Variants in SULF2 observed in about 807,000 individuals in gnomAD.
SULF2 encodes the protein sulfatase 2, also known as extracellular sulfatase Sulf-2.
Under a neutral mutation model 107.7 loss-of-function variants are expected in SULF2, and 52 were observed. The observed-to-expected ratio is 0.48, with a 90% confidence interval of 0.39 to 0.61. The LOEUF (loss-of-function observed/expected upper bound fraction) is 0.61, where lower values mean the gene tolerates loss of function less well. Among genes scored for constraint, SULF2 ranks in the 20% least tolerant of loss-of-function variants. SULF2 has a pLI of 0.00. For missense variants in SULF2, 993 were observed against 1,177.3 expected, an observed-to-expected ratio of 0.84 and a Z score of 2.29; for synonymous variants, 460 against 464.3, an observed-to-expected ratio of 0.99 and a Z score of 0.12.
chr20:47,784,971 C>G (rs1347838738), intron 1 of SULF2, among the ~76,000 whole-genome samples: 1 of 152,168 alleles, frequency 6.6e-6, no homozygotes, highest in African/African-American at 2.4e-5. Context: ...GGGTCTAAAC[C>G]CTAAGGGTCA....
chr20:47,767,655 G>C (rs1386714039), intron 1 of SULF2, among the ~76,000 whole-genome samples: 2 of 152,166 alleles, frequency 1.3e-5, no homozygotes, highest in South Asian at 4.1e-4. Flanking sequence ...CATGCCTGTA[G>C]TCCTAGCTAC....
intron 10 of SULF2, among the ~76,000 whole-genome samples, chr20:47,675,136 T>C (rs1783494617): frequency 6.6e-6 from 1 of 152,056 alleles, no homozygotes; most frequent in Admixed American, 6.5e-5. Flanking sequence ...AAAGAACCAG[T>C]GGGGGACTTG....
intron 3 of SULF2, among the ~76,000 whole-genome samples, chr20:47,719,280 T>A (rs1044670701): frequency 6.6e-6 from 1 of 152,246 alleles, no homozygotes; most frequent in Non-Finnish European, 1.5e-5. Context: ...TGTTTTCATA[T>A]AACTGGCTTC....
chr20:47,727,962 C>T (rs2089489291), intron 3 of SULF2, among the ~76,000 whole-genome samples: 2 of 152,286 alleles, frequency 1.3e-5, no homozygotes, highest in South Asian at 2.1e-4. Context: ...GCGGCAAATC[C>T]GTGCCTCTCG....
rs1379475043 is a variant in SULF2 at position 47,778,832 on chromosome 20, G to C, written c.-101+6511C>G. Among the ~76,000 whole-genome samples, 4 of 152,168 alleles carry C rather than the reference G, an allele frequency of 2.6e-5. No individual in the cohort carries two copies. The East Asian group carries it at 7.7e-4, about 29-fold the overall frequency. ...CAAATAGATTCATGACAGGCACTAGGGGGAGGCTGGGGGGAGAAAACCACA... is the reference window on the plus strand; with the variant it reads ...CAAATAGATTCATGACAGGCACTAGCGGGAGGCTGGGGGGAGAAAACCACA... On this transcript the variant is annotated intron_variant, in intron 1 of 20. Transcript: ENST00000688720.
At chr20:47,714,160 G>A (rs1391544498) in intron 3 of SULF2, among the ~76,000 whole-genome samples, 4 of 152,226 alleles carry the variant, frequency 2.6e-5, no homozygotes, top group East Asian at 3.8e-4. Context: ...CGGAGTCTGC[G>A]AAAACAAAAC....
At chr20:47,717,495 G>A (rs1222185345) in intron 3 of SULF2, among the ~76,000 whole-genome samples, 1 of 152,218 alleles carries the variant, frequency 6.6e-6, no homozygotes, top group Admixed American at 6.5e-5. Context: ...AGAGGGAACA[G>A]CAGAGGGACT....
rs1019599588 is a variant in SULF2 at position 47,780,085 on chromosome 20, C to T, written c.-101+5258G>A. Among the ~76,000 whole-genome samples the T allele has an allele frequency of 2.1e-4, 31 of 149,082 alleles. 1 individual carries two copies. Among genetic ancestry groups the T allele is most frequent in the East Asian group, 6.0e-4 (3 of 4,988 alleles). On this transcript the variant is annotated intron_variant, in intron 1 of 20. Coordinates refer to ENST00000688720, the MANE Select transcript of SULF2 (RefSeq NM_001387048.1). The stretch of plus-strand genomic sequence containing the variant: ...AGGCTGGAATGCAGAAGTGTGATCC[C>T]GGCTCACAGCAACCCCTGCCTCCCG...
intron 18 of SULF2, 129 bp from the exon 19 acceptor site, chr20:47,659,859 A>AGTAGACTGAATTATGAGGG: frequency 4.3e-6 from 3 of 704,442 alleles, no homozygotes; most frequent in Non-Finnish European, 7.4e-6. Flanking sequence ...CCCTACTCAG[A>AGTAGACTGAATTATGAGGG]GTAGACTGAA....
intron 9 of SULF2, 120 bp from the exon 10 acceptor site, chr20:47,676,743 G>A: frequency 7.9e-7 from 1 of 1,258,122 alleles, no homozygotes; most frequent in Non-Finnish European, 1.1e-6. Context: ...ACAGTGGAGG[G>A]CGCAGGGCCA....
chr20:47,757,415 T>C lies in SULF2; in HGVS notation c.-52A>G, dbSNP rs1417106785. 1 of 1,514,004 alleles carries C rather than the reference T, an allele frequency of 6.6e-7. No homozygotes were observed. Among genetic ancestry groups the C allele is most frequent in the South Asian group, 1.2e-5 (1 of 80,602 alleles). 93.8% of individuals were successfully genotyped at this position (1,514,004 alleles called of 1,614,324 possible). A position where few individuals can be genotyped will look rare whatever the true frequency, so the allele number is the denominator to read the frequency against. On this transcript the variant is annotated 5_prime_UTR_variant, in exon 2 of 21. Transcript: ENST00000688720. ...CTTTTGGGATGCGGGAGTCTCAAGT[T>C]GCGTCTGTGGCTTTGTTTCTTTTCC...
chr20:47,773,019 G>A lies in SULF2; in HGVS notation c.-101+12324C>T, dbSNP rs191816121. On this transcript the variant is annotated intron_variant, in intron 1 of 20. Transcript: ENST00000688720. Reference sequence around the variant, plus strand: ...TTAGGATAGAGATGGGGTGGCGCCTGGACTACACCGGAAACACCATTTCCA... The same window carrying A: ...TTAGGATAGAGATGGGGTGGCGCCTAGACTACACCGGAAACACCATTTCCA... Among the ~76,000 whole-genome samples, 382 of 152,214 alleles carry A rather than the reference G, an allele frequency of 2.5e-3. 4 individuals carry two copies. The highest frequency in any genetic ancestry group is 8.9e-3 in the African/African-American group (368 of 41,574).
At chr20:47,756,186 C>T (rs551360518) in intron 2 of SULF2, among the ~76,000 whole-genome samples, 1 of 152,298 alleles carries the variant, frequency 6.6e-6, no homozygotes, top group Admixed American at 6.5e-5. Context: ...CAAGACCCCT[C>T]TGCAAAATTC....
rs530748289 is a variant in SULF2 at position 47,668,982 on chromosome 20, G to T, written c.1577-2494C>A. Reference sequence around the variant, plus strand: ...CAAGACCTGCTCCTTTCTGTACTTTGTTCTCATTAAATGTCCATTGAGCGC... The same window carrying T: ...CAAGACCTGCTCCTTTCTGTACTTTTTTCTCATTAAATGTCCATTGAGCGC... On this transcript the variant is annotated intron_variant, in intron 11 of 20. Coordinates refer to ENST00000688720, the MANE Select transcript of SULF2 (RefSeq NM_001387048.1). Among the ~76,000 whole-genome samples the T allele has an allele frequency of 2.1e-4, 32 of 152,286 alleles. No homozygotes were observed. In the Middle Eastern group the frequency reaches 0.01, roughly 49 times the overall value.
intron 1 of SULF2, among the ~76,000 whole-genome samples, chr20:47,765,369 A>G (rs1215308908): frequency 4.2e-5 from 4 of 94,868 alleles, no homozygotes; most frequent in Non-Finnish European, 8.2e-5. Context: ...AACAAAACAA[A>G]ACAAAAAAAA....
upstream of SULF2, chr20:47,786,295 T>C (rs2090931200): frequency 6.6e-6 from 1 of 152,010 alleles, no homozygotes; most frequent in Admixed American, 6.5e-5. Flanking sequence ...TCTTCTCCTC[T>C]CTCGGAGCTG....
intron 3 of SULF2, among the ~76,000 whole-genome samples, chr20:47,708,364 G>C (rs2088816180): frequency 6.6e-6 from 1 of 152,140 alleles, no homozygotes; most frequent in Non-Finnish European, 1.5e-5. Context: ...GAACCCAAGG[G>C]GGACAGTGAG....
chr20:47,773,833 C>T (rs1008952977), intron 1 of SULF2, among the ~76,000 whole-genome samples: 3 of 152,222 alleles, frequency 2.0e-5, no homozygotes, highest in Non-Finnish European at 4.4e-5. Context: ...TTTTCAGCCC[C>T]ACATTTTCTT....
At chr20:47,781,249 A>C (rs1156689239) in intron 1 of SULF2, among the ~76,000 whole-genome samples, 1 of 152,262 alleles carries the variant, frequency 6.6e-6, no homozygotes, top group Non-Finnish European at 1.5e-5. Flanking sequence ...GCCAAAATGA[A>C]GATGGGTCCA....
Sources: allele counts gnomAD v4.1 joint callset (sites outside exome capture counted in the v4.1 genomes callset), GRCh38; gene constraint gnomAD v4.1.1; transcripts MANE v1.5; gene names NCBI Gene and HGNC (gene_info 2026-07-23, HGNC 2026-07-21).